KIAA0232: variants seen among roughly 807,000 people sequenced by gnomAD.
KIAA0232 encodes KIAA0232, also known as uncharacterized protein KIAA0232.
In KIAA0232, 27 loss-of-function variants were observed where a neutral mutation model predicts 122.0. The observed-to-expected ratio is 0.22, with a 90% CI of 0.16 to 0.31. The LOEUF (loss-of-function observed/expected upper bound fraction) is 0.31, where lower values mean the gene tolerates loss of function less well. Ranked by LOEUF, KIAA0232 falls within the 10% of genes least tolerant of loss-of-function variation. KIAA0232 has a pLI of 1.00. For synonymous variants in KIAA0232, 613 were observed against 587.6 expected, an observed-to-expected ratio of 1.04 and a Z score of -0.63; for missense variants, 1,551 against 1,634.2, an observed-to-expected ratio of 0.95 and a Z score of 0.88.
At chr4:6,802,783 G>T (rs1029276298) in intron 1 of KIAA0232, among the ~76,000 whole-genome samples, 1 of 152,078 alleles carries the variant, frequency 6.6e-6, no homozygotes, top group Non-Finnish European at 1.5e-5. Context: ...AAGGAGCACA[G>T]AGGAATGAAA....
At chr4:6,809,750 G>T (rs551374853) in intron 2 of KIAA0232, among the ~76,000 whole-genome samples, 2 of 151,720 alleles carry the variant, frequency 1.3e-5, no homozygotes, top group African/African-American at 2.4e-5. Flanking sequence ...ATACAAAATC[G>T]GCATACAAAA....
intron 1 of KIAA0232, among the ~76,000 whole-genome samples, chr4:6,795,596 A>T (rs1416663418): frequency 6.6e-6 from 1 of 152,096 alleles, no homozygotes; most frequent in Non-Finnish European, 1.5e-5. Context: ...TACTAGAAAT[A>T]TATTTATTTA....
chr4:6,825,235 T>C (rs946636010), intron 3 of KIAA0232, among the ~76,000 whole-genome samples: 3 of 152,164 alleles, frequency 2.0e-5, no homozygotes, highest in Admixed American at 6.5e-5. Flanking sequence ...CACATTTTAT[T>C]TGACTTTGCC....
intron 1 of KIAA0232, among the ~76,000 whole-genome samples, chr4:6,804,115 G>A (rs1172760989): frequency 1.3e-5 from 2 of 152,208 alleles, no homozygotes; most frequent in African/African-American, 2.4e-5. Flanking sequence ...ATCACAGCTA[G>A]TAGGAATTCT....
chr4:6,825,234 T>G (rs915137075), intron 3 of KIAA0232, among the ~76,000 whole-genome samples: 2 of 152,162 alleles, frequency 1.3e-5, no homozygotes, highest in Non-Finnish European at 2.9e-5. Context: ...ACACATTTTA[T>G]TTGACTTTGC....
chr4:6,821,825 T>C (rs1239138912), intron 2 of KIAA0232, among the ~76,000 whole-genome samples: 3 of 152,038 alleles, frequency 2.0e-5, no homozygotes, highest in East Asian at 3.9e-4. Flanking sequence ...TACGAACGAG[T>C]GTGCAAGTAT....
In KIAA0232 at chr4:6,855,088, T is replaced by A. The variant is rs541145628; in HGVS notation, c.370-2076T>A. Among the ~76,000 whole-genome samples, 23 of 151,848 alleles carry A rather than the reference T, an allele frequency of 1.5e-4. No homozygotes were observed. The highest frequency in any genetic ancestry group is 1.2e-3 in the East Asian group (6 of 5,172). On this transcript the variant is annotated intron_variant, in intron 4 of 9. Coordinates refer to ENST00000307659, the MANE Select transcript of KIAA0232 (RefSeq NM_014743.3). This position sits in a 1 kb window ranked among gnomAD's most constrained non-coding sequence, Gnocchi z 4.3. ...GATTTTTTATTTTTTATTTTTTATT[T>A]TTTTTTATTTTTTTGAGACCGAGTC...
chr4:6,832,797 A>G (rs960951527), intron 3 of KIAA0232, among the ~76,000 whole-genome samples: 12 of 152,314 alleles, frequency 7.9e-5, no homozygotes, highest in African/African-American at 2.4e-4. Context: ...GTAGGAGGGA[A>G]GCATGCTAGG....
chr4:6,849,426 G>A (rs1447580502), intron 4 of KIAA0232, among the ~76,000 whole-genome samples: 2 of 152,136 alleles, frequency 1.3e-5, no homozygotes, highest in Non-Finnish European at 2.9e-5. Flanking sequence ...GATCAGCCTC[G>A]CCAACATGGC....
intron 1 of KIAA0232, among the ~76,000 whole-genome samples, chr4:6,799,670 T>C (rs1213262046): frequency 1.3e-5 from 2 of 151,984 alleles, no homozygotes; most frequent in East Asian, 3.9e-4. Flanking sequence ...GGTTTTTGCT[T>C]TGAGATTAGT....
rs182595905 is a variant in KIAA0232 at position 6,786,909 on chromosome 4, G to A, written c.-354+4068G>A. ...AAAATATTCCTTGTATTGGCCGGGC[G>A]CGGTGGCTCACGCCTGTAATTCCAG... On this transcript the variant is annotated intron_variant, in intron 1 of 9. Transcript: ENST00000307659. Among the ~76,000 whole-genome samples the A allele has an allele frequency of 3.0e-3, 453 of 152,230 alleles. 1 individual carries two copies. The highest frequency in any genetic ancestry group is 0.011 in the African/African-American group (444 of 41,530).
intron 3 of KIAA0232, among the ~76,000 whole-genome samples, chr4:6,832,348 G>C (rs1270840124): frequency 2.7e-5 from 4 of 146,088 alleles, no homozygotes; most frequent in Admixed American, 2.7e-4. Context: ...TGAAGTTGGG[G>C]CCTTTTTTTT....
intron 4 of KIAA0232, among the ~76,000 whole-genome samples, chr4:6,853,119 C>A (rs1362736099): frequency 6.6e-6 from 1 of 152,230 alleles, no homozygotes; most frequent in Non-Finnish European, 1.5e-5. Flanking sequence ...CTGATTCCCC[C>A]ATCCCTTTCT....
chr4:6,846,100 TA>T (rs34790054), intron 4 of KIAA0232, among the ~76,000 whole-genome samples: 5 of 149,920 alleles, frequency 3.3e-5, no homozygotes, highest in Non-Finnish European at 7.4e-5. Flanking sequence ...TCATTTTATT[TA>T]AAAAAAAAAA....
intron 1 of KIAA0232, among the ~76,000 whole-genome samples, chr4:6,789,476 G>A (rs541214438): frequency 5.3e-5 from 8 of 151,818 alleles, no homozygotes; most frequent in Non-Finnish European, 1.0e-4. Flanking sequence ...GTTTCACCAT[G>A]TTGGCCAGGT....
In KIAA0232 at chr4:6,863,368, T is replaced by C; in HGVS notation, c.2986T>C (p.Phe996Leu). ...HRQLWKPFVS[F>L]EQNDQPKSGE... ...GCAGTTATGGAAACCCTTCGTGTCA[T>C]TTGAACAGAATGATCAGCCGAAGAG... Residue 996 changes from phenylalanine (F) to leucine (L), a missense_variant, in exon 7 of 10, where the codon TTT (phenylalanine) becomes CTT (leucine). Physicochemically the swap from Phe to Leu is conservative, Grantham distance 22 (BLOSUM62 0). Around this residue, in one of 5 missense-constraint regions of KIAA0232, gnomAD observed 1,108 missense variants for 1,154.8 expected, o/e 0.96. Coordinates refer to ENST00000307659, the MANE Select transcript of KIAA0232 (RefSeq NM_014743.3). The C allele has an allele frequency of 1.2e-6, 2 of 1,614,180 alleles. No homozygotes were observed. The highest frequency in any genetic ancestry group is 2.7e-5 in the African/African-American group (2 of 75,052).
intron 9 of KIAA0232, among the ~76,000 whole-genome samples, chr4:6,878,404 C>T (rs1721870098): frequency 6.6e-6 from 1 of 152,086 alleles, no homozygotes; most frequent in Non-Finnish European, 1.5e-5. Context: ...TACATACATA[C>T]ATACATACAT....
rs940094541 is a variant in KIAA0232, at chr4:6,883,605, G to A, written c.*2639G>A. ...CCCCATCTCACCCCCAGCACACGCA[G>A]GGACTACTACCTGAGTCTGCAAAAC... On this transcript the variant is annotated 3_prime_UTR_variant, in exon 10 of 10. Coordinates refer to ENST00000307659, the MANE Select transcript of KIAA0232 (RefSeq NM_014743.3). 6.6e-6 allele frequency: 1 copy of A among 152,206 alleles called. No individual in the cohort carries two copies. The highest frequency in any genetic ancestry group is 1.5e-5 in the Non-Finnish European group (1 of 68,034). The allele number at this position is 152,206 out of a possible 1,614,324, so 9.4% of individuals were successfully genotyped here.
intron 3 of KIAA0232, among the ~76,000 whole-genome samples, chr4:6,832,873 T>C (rs1719067623): frequency 6.6e-6 from 1 of 152,200 alleles, no homozygotes; most frequent in African/African-American, 2.4e-5. Context: ...GTTGCTTGTT[T>C]TAAATCCCCT....
Sources: allele counts gnomAD v4.1 joint callset (sites outside exome capture counted in the v4.1 genomes callset), GRCh38; gene constraint gnomAD v4.1.1; regional missense constraint gnomAD v4.1.1; non-coding constraint Gnocchi (gnomAD v3.1); transcripts MANE v1.5; gene names NCBI Gene and HGNC (gene_info 2026-07-23, HGNC 2026-07-21).